MTA1: variants seen among roughly 807,000 people sequenced by gnomAD.
The protein encoded by MTA1 is metastasis associated 1.
In MTA1, 15 loss-of-function variants were observed where a neutral mutation model predicts 97.0. The observed-to-expected ratio is 0.15, with a 90% CI of 0.10 to 0.24. MTA1 has a LOEUF of 0.24. Among genes scored for constraint, MTA1 ranks in the 10% least tolerant of loss-of-function variants. MTA1 has a pLI of 1.00. For synonymous variants in MTA1, 435 were observed against 417.5 expected, an observed-to-expected ratio of 1.04 and a Z score of -0.51; for missense variants, 709 against 1,015.1, an observed-to-expected ratio of 0.70 and a Z score of 4.10.
chr14:105,445,325 T>G, intron 2 of MTA1, 93 bp from the exon 3 acceptor site: 1 of 1,166,630 alleles, frequency 8.6e-7, no homozygotes, highest in African/African-American at 1.5e-5. Flanking sequence ...CTGCAGTCCC[T>G]GGACGGCAGG....
rs2083053140 is a variant in MTA1 at position 105,454,128 on chromosome 14, C to T, written c.433-65C>T. 4.7e-6 allele frequency: 6 copies of T among 1,277,188 alleles called. No individual in the cohort carries two copies. The South Asian group carries it at 7.2e-5, about 15-fold the overall frequency. 79.1% of individuals were successfully genotyped at this position (1,277,188 alleles called of 1,614,324 possible). On this transcript the variant is annotated intron_variant, in intron 6 of 20. Transcript: ENST00000331320. Reference sequence around the variant, plus strand: ...TCCCAGCAGCCCGGCCGTGCTGACGCCTCTCTGACCCTCCCAGCAGCCTGA... The same window carrying T: ...TCCCAGCAGCCCGGCCGTGCTGACGTCTCTCTGACCCTCCCAGCAGCCTGA...
intron 6 of MTA1, among the ~76,000 whole-genome samples, chr14:105,452,682 CA>C (rs1261864116): frequency 9.9e-5 from 15 of 151,800 alleles, no homozygotes; most frequent in Admixed American, 9.2e-4. Context: ...ACCCTATCTC[CA>C]AAAAAAATAA....
At chr14:105,428,114 C>G (rs1392460932) in intron 1 of MTA1, among the ~76,000 whole-genome samples, 1 of 151,946 alleles carries the variant, frequency 6.6e-6, no homozygotes, top group Non-Finnish European at 1.5e-5. Flanking sequence ...TCATGCACAG[C>G]TGTGTGGTCG....
chr14:105,444,394 G>A (rs1472145858), intron 2 of MTA1, among the ~76,000 whole-genome samples: 1 of 151,950 alleles, frequency 6.6e-6, no homozygotes, highest in South Asian at 2.1e-4. Flanking sequence ...GCCAGGCATG[G>A]TGTAATTGGA....
At chr14:105,438,628 G>T in intron 1 of MTA1, 44 bp from the exon 2 acceptor site, 1 of 1,591,222 alleles carries the variant, frequency 6.3e-7, no homozygotes, top group Non-Finnish European at 8.6e-7. Flanking sequence ...ACTGGGTCTG[G>T]CCTTTGGTGC....
chr14:105,468,038 C>T (rs1390662894), intron 18 of MTA1: 7 of 334,116 alleles, frequency 2.1e-5, no homozygotes, highest in African/African-American at 8.7e-5. Context: ...ACAGAGGAAG[C>T]GCCTGTCCTG....
intron 9 of MTA1, 49 bp from the exon 10 acceptor site, chr14:105,460,716 G>T: frequency 3.3e-6 from 5 of 1,508,148 alleles, no homozygotes; most frequent in African/African-American, 1.4e-5. Context: ...TGCCACAGGT[G>T]CAGGAAAAGC....
chr14:105,458,216 G>C, intron 7 of MTA1, 54 bp from the exon 8 acceptor site: 2 of 1,517,514 alleles, frequency 1.3e-6, no homozygotes, highest in South Asian at 2.3e-5. Context: ...GGAGAGGCGC[G>C]GCCCGGCGCG....
intron 10 of MTA1, 130 bp downstream of exon 10, chr14:105,461,083 G>A: frequency 3.1e-6 from 3 of 982,460 alleles, no homozygotes; most frequent in Non-Finnish European, 4.5e-6. Flanking sequence ...CCTGTGCGGA[G>A]CTGCATGAGT....
At position 105,463,882 on chromosome 14, in the gene MTA1, A is replaced by C; in HGVS notation, c.1077-150A>C. 1 of 764,110 alleles carries C rather than the reference A, an allele frequency of 1.3e-6. No homozygotes were observed. The highest frequency in any genetic ancestry group is 2.3e-6 in the Non-Finnish European group (1 of 444,408). 47.3% of individuals were successfully genotyped at this position (764,110 alleles called of 1,614,324 possible). ...CTCAGCAGTGGCTCCCAGGAACTGA[A>C]AGGGGAGAAAGGAAGATCCCTGCCG... On this transcript the variant is annotated intron_variant, in intron 12 of 20. Transcript: ENST00000331320. The surrounding 1 kb of genome is among the most constrained non-coding windows in gnomAD (Gnocchi z 5.9).
chr14:105,449,436 C>T lies in MTA1; in HGVS notation c.241+27C>T, dbSNP rs369753868. On this transcript the variant is annotated intron_variant, in intron 4 of 20. Coordinates refer to ENST00000331320, the MANE Select transcript of MTA1 (RefSeq NM_004689.4). Reference sequence around the variant, plus strand: ...TAAGAGCCGGCCTCCGCAAGGAGGGCGTCCTCCTGTCTGTGTCCCTGGGCT... The same window carrying T: ...TAAGAGCCGGCCTCCGCAAGGAGGGTGTCCTCCTGTCTGTGTCCCTGGGCT... 1.6e-4 allele frequency: 255 copies of T among 1,605,822 alleles called. No homozygotes were observed. In the African/African-American group the frequency reaches 1.7e-3, roughly 11 times the overall value.
chr14:105,444,374 CA>C (rs1416423204), intron 2 of MTA1, among the ~76,000 whole-genome samples: 1 of 148,526 alleles, frequency 6.7e-6, no homozygotes, highest in Non-Finnish European at 1.5e-5. Context: ...GACTCTGTCT[CA>C]AAAAAAAAGC....
chr14:105,464,085 T>G lies in MTA1; in HGVS notation c.1130T>G (p.Val377Gly). ...GTCAACAACGTCAAGGCCGGTGTGG[T>G]GAACGGCACGGGGGCGCCGGGCCAG... is the stretch of plus-strand genomic sequence containing the variant. ...ISVNNVKAGV[V>G]NGTGAPGQSP... The change falls in exon 13 of 21, where the codon GTG (valine) becomes GGG (glycine). Residue 377 changes from valine to glycine, a missense_variant. Val to Gly is a moderately radical substitution (Grantham distance 109, BLOSUM62 -3). Coordinates refer to ENST00000331320, the MANE Select transcript of MTA1 (RefSeq NM_004689.4). The G allele has an allele frequency of 1.9e-6, 3 of 1,611,896 alleles. No homozygotes were observed. The highest frequency in any genetic ancestry group is 8.5e-7 in the Non-Finnish European group (1 of 1,179,558).
At chr14:105,458,920 C>T (rs1595391655) in intron 8 of MTA1, among the ~76,000 whole-genome samples, 1 of 152,196 alleles carries the variant, frequency 6.6e-6, no homozygotes, top group South Asian at 2.1e-4. Flanking sequence ...GCCCAGGACA[C>T]GAGGAGTCCT....
At chr14:105,429,183 C>T (rs940287509) in intron 1 of MTA1, among the ~76,000 whole-genome samples, 9 of 152,170 alleles carry the variant, frequency 5.9e-5, no homozygotes, top group Non-Finnish European at 1.2e-4. Flanking sequence ...GCTCTGGCTT[C>T]GGGGAATGTG....
chr14:105,423,546 TG>T (rs1258993234), intron 1 of MTA1, among the ~76,000 whole-genome samples: 1 of 152,010 alleles, frequency 6.6e-6, no homozygotes, highest in Admixed American at 6.6e-5. Flanking sequence ...AAGTTGAGGC[TG>T]GGTGACAGAG....
chr14:105,469,824 G>A lies in MTA1; in HGVS notation c.1846-17G>A. 2.5e-6 allele frequency: 4 copies of A among 1,595,546 alleles called. No homozygotes were observed. Among genetic ancestry groups the A allele is most frequent in the Non-Finnish European group, 3.4e-6 (4 of 1,171,954 alleles). On this transcript the variant is annotated splice_polypyrimidine_tract_variant and intron_variant, in intron 19 of 20. Transcript: ENST00000331320. Reference sequence around the variant, plus strand: ...TGGCCCTTGGCTGGCTGCCCAGGAAGTGCACCCCCTCTGCAGGGACCAAGC... The same window carrying A: ...TGGCCCTTGGCTGGCTGCCCAGGAAATGCACCCCCTCTGCAGGGACCAAGC...
intron 2 of MTA1, among the ~76,000 whole-genome samples, chr14:105,440,762 A>T (rs1555425480): frequency 1.3e-5 from 2 of 152,254 alleles, no homozygotes; most frequent in Non-Finnish European, 2.9e-5. Flanking sequence ...GCCGAGCCAG[A>T]CGCTCACCAT....
chr14:105,454,566 G>C (rs1425495758), intron 7 of MTA1: 1 of 378,412 alleles, frequency 2.6e-6, no homozygotes, highest in Non-Finnish European at 5.0e-6. Flanking sequence ...GTGATCAGCT[G>C]TCCTTGCACA....
Sources: gnomAD v4.1 joint callset for allele counts (sites outside exome capture counted in the v4.1 genomes callset) on GRCh38, gnomAD v4.1.1 for gene constraint, Gnocchi (gnomAD v3.1) non-coding constraint, MANE v1.5 for transcripts, NCBI Gene and HGNC (gene_info 2026-07-23, HGNC 2026-07-21) for gene names.